The following ETV6 variants were observed in gnomAD, a reference collection of about 807,000 sequenced individuals.
ETV6 encodes the protein ETS variant transcription factor 6.
A neutral mutation model predicts 51.1 loss-of-function variants in ETV6; 16 were observed. The ratio of observed to expected loss-of-function variants is 0.31; its 90% CI spans 0.21 to 0.48. The LOEUF is 0.48. ETV6 is among the 20% of genes least tolerant of loss of function. The pLI, the probability that ETV6 is intolerant of heterozygous loss-of-function variation, is 0.99. For synonymous variants in ETV6, 240 were observed against 224.1 expected (o/e 1.07, Z -0.64); for missense variants, 458 against 594.8 (o/e 0.77, Z 2.39).
At chr12:11,888,467 C>T (rs1183553808) in intron 7 of ETV6, among the ~76,000 whole-genome samples, 1 of 149,154 alleles carries the variant, frequency 6.7e-6, no homozygotes, top group Non-Finnish European at 1.5e-5. Flanking sequence ...ACAATCTCGA[C>T]TCACTGGAAC....
chr12:11,867,917 G>A (rs186164817), intron 4 of ETV6, among the ~76,000 whole-genome samples: 52 of 152,238 alleles, frequency 3.4e-4, no homozygotes, highest in African/African-American at 1.1e-3. Context: ...ACCTTAGCAG[G>A]GACTTCTGGA....
intron 1 of ETV6, among the ~76,000 whole-genome samples, chr12:11,736,110 C>T (rs1487768754): frequency 6.6e-6 from 1 of 152,130 alleles, no homozygotes; most frequent in African/African-American, 2.4e-5. Flanking sequence ...CTATAAGCTC[C>T]TTAAAGAAGA....
At chr12:11,781,905 C>G (rs1453082655) in intron 2 of ETV6, among the ~76,000 whole-genome samples, 1 of 152,060 alleles carries the variant, frequency 6.6e-6, no homozygotes, top group Non-Finnish European at 1.5e-5. Flanking sequence ...GTGAAAGATC[C>G]CTGTGGCATA....
At chr12:11,690,923 A>AT (rs1864747792) in intron 1 of ETV6, among the ~76,000 whole-genome samples, 1 of 88,254 alleles carries the variant, frequency 1.1e-5, no homozygotes, top group Non-Finnish European at 2.7e-5. Flanking sequence ...TATATAAAAT[A>AT]AATAGTGTAA....
At chr12:11,678,666 G>T (rs1022794367) in intron 1 of ETV6, among the ~76,000 whole-genome samples, 1 of 152,126 alleles carries the variant, frequency 6.6e-6, no homozygotes, top group Non-Finnish European at 1.5e-5. Context: ...TGAGAAATTG[G>T]CTCACGTGAT....
chr12:11,817,819 T>G (rs1946014968), intron 2 of ETV6, among the ~76,000 whole-genome samples: 1 of 152,118 alleles, frequency 6.6e-6, no homozygotes, highest in African/African-American at 2.4e-5. Flanking sequence ...AAAAGACATA[T>G]GCACTCATAA....
At chr12:11,678,740 T>G (rs1291815617) in intron 1 of ETV6, among the ~76,000 whole-genome samples, 1 of 152,140 alleles carries the variant, frequency 6.6e-6, no homozygotes, top group African/African-American at 2.4e-5. Flanking sequence ...AAGCCACTGG[T>G]GTCATTCAAT....
intron 1 of ETV6, among the ~76,000 whole-genome samples, chr12:11,717,424 G>A (rs1041489240): frequency 1.4e-4 from 22 of 152,212 alleles, no homozygotes; most frequent in African/African-American, 5.3e-4. Flanking sequence ...CAGACAGAGT[G>A]TAGTAACAAG....
intron 5 of ETV6, among the ~76,000 whole-genome samples, chr12:11,875,968 T>C (rs951415139): frequency 6.6e-6 from 1 of 152,226 alleles, no homozygotes; most frequent in Non-Finnish European, 1.5e-5. Flanking sequence ...AAACGTTTGA[T>C]GCTCTCTGCC....
At chr12:11,654,192 G>A (rs1016374051) in intron 1 of ETV6, among the ~76,000 whole-genome samples, 1 of 152,184 alleles carries the variant, frequency 6.6e-6, no homozygotes, top group African/African-American at 2.4e-5. Flanking sequence ...TGAGGAAAAG[G>A]TACAACAAAG....
At chr12:11,883,276 C>CTTCTTCTTTTTTTTTTTTTTTTTTTTT (rs776231778) in intron 5 of ETV6, among the ~76,000 whole-genome samples, 4 of 79,112 alleles carry the variant, frequency 5.1e-5, no homozygotes, top group Non-Finnish European at 6.5e-5. Context: ...ATGTCTTCTT[C>CTTCTTCTTTTTTTTTTTTTTTTTTTTT]TTTTTTTTTT....
intron 5 of ETV6, among the ~76,000 whole-genome samples, chr12:11,874,658 G>GTGTA (rs1313306538): frequency 0.088 from 1,196 of 13,556 alleles, 516 homozygotes; most frequent in African/African-American, 0.22. Flanking sequence ...ACATATGTGT[G>GTGTA]TATATGTATA....
At chr12:11,884,002 C>T (rs1302908130) in intron 5 of ETV6, among the ~76,000 whole-genome samples, 1 of 152,184 alleles carries the variant, frequency 6.6e-6, no homozygotes, top group East Asian at 1.9e-4. Flanking sequence ...ATAACCTTTT[C>T]ACTCCACTAT....
intron 1 of ETV6, among the ~76,000 whole-genome samples, chr12:11,738,777 C>T (rs1865756657): frequency 6.6e-6 from 1 of 152,148 alleles, no homozygotes; most frequent in African/African-American, 2.4e-5. Context: ...CATCTTTCTT[C>T]TGAGGGGTGC....
chr12:11,735,086 C>CGTTT (rs758819614), intron 1 of ETV6, among the ~76,000 whole-genome samples: 10 of 76,230 alleles, frequency 1.3e-4, no homozygotes, highest in African/African-American at 5.1e-4. Flanking sequence ...GCAAGGTGGC[C>CGTTT]TTTTTTTTTT....
chr12:11,845,301 C>T (rs558479855), intron 3 of ETV6, among the ~76,000 whole-genome samples: 83 of 152,188 alleles, frequency 5.5e-4, no homozygotes, highest in Non-Finnish European at 8.4e-4. Flanking sequence ...TTGCAGATGA[C>T]GCTAAACATT....
chr12:11,662,978 G>C (rs1864127719), intron 1 of ETV6, among the ~76,000 whole-genome samples: 1 of 152,194 alleles, frequency 6.6e-6, no homozygotes, highest in Non-Finnish European at 1.5e-5. Context: ...AGTCCTGTTG[G>C]CTGGGTGGTT....
chr12:11,776,002 C>T (rs1003019835), intron 2 of ETV6, among the ~76,000 whole-genome samples: 1 of 152,224 alleles, frequency 6.6e-6, no homozygotes, highest in Non-Finnish European at 1.5e-5. Flanking sequence ...ATGTCTACCA[C>T]AGTGCCAGGC....
intron 2 of ETV6, among the ~76,000 whole-genome samples, chr12:11,828,112 AG>A (rs1460776849): frequency 6.6e-6 from 1 of 152,006 alleles, no homozygotes. Flanking sequence ...CATACATATC[AG>A]TAAGTTTGAT....
Sources: gnomAD v4.1 joint callset for allele counts (sites outside exome capture counted in the v4.1 genomes callset) on GRCh38, gnomAD v4.1.1 for gene constraint, MANE v1.5 for transcripts, NCBI Gene and HGNC (gene_info 2026-07-23, HGNC 2026-07-21) for gene names.